PC: variants seen among roughly 807,000 people sequenced by gnomAD.
PC encodes the protein pyruvate carboxylase, mitochondrial.
Under a neutral mutation model 107.8 loss-of-function variants are expected in PC, and 46 were observed. That is an observed-to-expected ratio of 0.43 (90% CI 0.34 to 0.55). The LOEUF (loss-of-function observed/expected upper bound fraction) is 0.55. Ranked by LOEUF, PC falls within the 20% of genes least tolerant of loss-of-function variation. PC has a pLI of 0.04. For synonymous variants in PC, 662 were observed against 684.7 expected (o/e 0.97, Z 0.52); for missense variants, 1,241 against 1,643.1 (o/e 0.76, Z 4.23).
At chr11:66,912,712 G>T (rs60620251) in intron 3 of PC, among the ~76,000 whole-genome samples, 2 of 152,164 alleles carry the variant, frequency 1.3e-5, no homozygotes, top group African/African-American at 4.8e-5. Context: ...CCCCACTAGA[G>T]TGGGCCAAGA....
chr11:66,870,554 C>T lies in PC; in HGVS notation c.752-101G>A. ...AACCACTGTCGCCAGTCAGTGCCGG[C>T]TGCCAGCGGTACAGAGGCTGCCAGG... On this transcript the variant is annotated intron_variant, in intron 8 of 22. Transcript: ENST00000393960. This position sits in a 1 kb window ranked among gnomAD's most constrained non-coding sequence, Gnocchi z 6.1. 3 of 1,393,296 alleles carry T rather than the reference C, an allele frequency of 2.2e-6. No individual in the cohort carries two copies. Among genetic ancestry groups the T allele is most frequent in the Non-Finnish European group, 3.0e-6 (3 of 1,000,638 alleles). 86.3% of individuals were successfully genotyped at this position (1,393,296 alleles called of 1,614,324 possible).
intron 3 of PC, among the ~76,000 whole-genome samples, chr11:66,933,308 A>G (rs1948909196): frequency 6.6e-6 from 1 of 152,094 alleles, no homozygotes; most frequent in African/African-American, 2.4e-5. Context: ...AACTGGGGAA[A>G]ATCAGCTCAA....
At position 66,851,084 on chromosome 11, in the gene PC, C is replaced by A. The variant is rs1945462458; in HGVS notation, c.2179G>T (p.Ala727Ser). Residue 727 changes from alanine to serine, a missense_variant, in exon 17 of 23, where the codon GCC (alanine) becomes TCC (serine). Coordinates refer to ENST00000393960, the MANE Select transcript of PC (RefSeq NM_001040716.2). ...KYSLQYYMGL[A>S]EELVRAGTHI... ...GTGCCAGCTCGCACCAGCTCTTCGGCCAAGCCCATGTAGTACTGCAGTGAG... is the reference window on the plus strand; with the variant it reads ...GTGCCAGCTCGCACCAGCTCTTCGGACAAGCCCATGTAGTACTGCAGTGAG... 1 of 1,613,232 alleles carries A rather than the reference C, an allele frequency of 6.2e-7. No individual in the cohort carries two copies. The highest frequency in any genetic ancestry group is 8.5e-7 in the Non-Finnish European group (1 of 1,180,024).
In PC at chr11:66,871,192, G is replaced by A; in HGVS notation, c.493C>T (p.Pro165Ser). Reference protein sequence around the residue: ...ARAIAIAAGVPVVPGTDAPIT... With the variant: ...ARAIAIAAGVSVVPGTDAPIT... The stretch of plus-strand genomic sequence containing the variant: ...GGGGCATCTGTGCCAGGGACAACGG[G>A]AACACCTGTTGGGAGAAAGGTGTGG... The change falls in exon 7 of 23, where the codon CCC becomes TCC. Residue 165 changes from proline (P) to serine (S), a missense_variant. Coordinates refer to ENST00000393960, the MANE Select transcript of PC (RefSeq NM_001040716.2). This position sits in a 1 kb window ranked among gnomAD's most constrained non-coding sequence, Gnocchi z 7.4. The A allele has an allele frequency of 1.2e-6, 2 of 1,613,088 alleles. No individual in the cohort carries two copies. Among genetic ancestry groups the A allele is most frequent in the Non-Finnish European group, 1.7e-6 (2 of 1,179,264 alleles).
At chr11:66,861,581 G>A (rs565306792) in intron 12 of PC, among the ~76,000 whole-genome samples, 1 of 152,250 alleles carries the variant, frequency 6.6e-6, no homozygotes, top group East Asian at 1.9e-4. Flanking sequence ...ATGGGAGCAA[G>A]GTCCTCGACA....
In PC at chr11:66,870,708, G is replaced by A. The variant is rs1032356537; in HGVS notation, c.751+67C>T. 8.5e-5 allele frequency: 123 copies of A among 1,454,492 alleles called. No individual in the cohort carries two copies. The highest frequency in any genetic ancestry group is 2.4e-4 in the South Asian group (21 of 88,062). 90.1% of individuals were successfully genotyped at this position (1,454,492 alleles called of 1,614,324 possible). A position where few individuals can be genotyped will look rare whatever the true frequency, so the allele number is the denominator to read the frequency against. ...TGTCCCCAAGGCCAGCCACTGTGAC[G>A]GCACCAGGACTGGGCCTCTCAGCTC... On this transcript the variant is annotated intron_variant, in intron 8 of 22. Transcript: ENST00000393960. This position sits in a 1 kb window ranked among gnomAD's most constrained non-coding sequence, Gnocchi z 6.1.
rs34245785 is a variant in PC, at chr11:66,943,755, C to CAA, written c.-1+8673_-1+8674dup. Reference sequence around the variant, plus strand: ...TGGGCTATAGAGCAAGACTCCGGCTCAAAAAAAAAAAAAAAAAAAAAAAAA... The same window carrying CAA: ...TGGGCTATAGAGCAAGACTCCGGCTCAAAAAAAAAAAAAAAAAAAAAAAAAAA... On this transcript the variant is annotated intron_variant, in intron 3 of 22. Coordinates refer to ENST00000393960, the MANE Select transcript of PC (RefSeq NM_001040716.2). Among the ~76,000 whole-genome samples, 157 of 17,580 alleles carry CAA rather than the reference C, an allele frequency of 8.9e-3. 14 individuals are homozygous for CAA. The highest frequency in any genetic ancestry group is 0.011 in the Non-Finnish European group (115 of 10,532). The allele number at this position is 17,580 out of a possible 152,430, so 11.5% of individuals were successfully genotyped here. A position where few individuals can be genotyped will look rare whatever the true frequency, so the allele number is the denominator to read the frequency against.
intron 3 of PC, among the ~76,000 whole-genome samples, chr11:66,882,828 G>A (rs1164253250): frequency 6.6e-6 from 1 of 152,162 alleles, no homozygotes; most frequent in South Asian, 2.1e-4. Context: ...AGCCAAGAGG[G>A]ACAGATGAAA....
chr11:66,851,111 AC>A lies in PC; in HGVS notation c.2151del (p.Lys717AsnfsTer31). 6.2e-7 allele frequency: 1 copy of A among 1,613,298 alleles called. No individual in the cohort carries two copies. Among genetic ancestry groups the A allele is most frequent in the Non-Finnish European group, 8.5e-7 (1 of 1,180,018 alleles). On this transcript the variant is annotated frameshift_variant, in exon 17 of 23. Transcript: ENST00000393960. LOFTEE classifies it high-confidence loss of function. ...TGDVADPSRT[K>X]YSLQYYMGLA... is the part of the protein sequence containing the mutation. ...AAGCCCATGTAGTACTGCAGTGAGTACTTGGTGCGGCTGGGGTCGGCCACGT... is the reference window on the plus strand; with the variant it reads ...AAGCCCATGTAGTACTGCAGTGAGTATTGGTGCGGCTGGGGTCGGCCACGT...
intron 16 of PC, 131 bp downstream of exon 16, chr11:66,851,659 A>G: frequency 1.0e-6 from 1 of 957,076 alleles, no homozygotes; most frequent in Non-Finnish European, 1.7e-6. Flanking sequence ...TCCAAACAGC[A>G]GCCCCTGCTG....
At chr11:66,908,384 T>C (rs895551776) in intron 3 of PC, among the ~76,000 whole-genome samples, 2 of 152,170 alleles carry the variant, frequency 1.3e-5, no homozygotes, top group Non-Finnish European at 2.9e-5. Flanking sequence ...CCAGGGCACA[T>C]GTTACCTGGT....
At position 66,852,470 on chromosome 11, in the gene PC, G is replaced by A. The variant is rs747315572; in HGVS notation, c.1794C>T (p.Phe598=). The A allele has an allele frequency of 1.2e-6, 2 of 1,614,046 alleles. No individual in the cohort carries two copies. Among genetic ancestry groups the A allele is most frequent in the Non-Finnish European group, 1.7e-6 (2 of 1,180,006 alleles). ...KKIAPYVAHN[F]SKLFSMENWG... is the part of the protein sequence containing the mutation. ...AGTTCTCCATGCTGAAGAGCTTGCT[G>A]AAGTTGTGGGCAACATAGGGGGCGA... The change falls in exon 15 of 23, where the codon TTC becomes TTT. Residue 598 remains phenylalanine (F), a synonymous_variant. Coordinates refer to ENST00000393960, the MANE Select transcript of PC (RefSeq NM_001040716.2). This position sits in a 1 kb window ranked among gnomAD's most constrained non-coding sequence, Gnocchi z 4.7.
At position 66,848,752 on chromosome 11, in the gene PC, C is replaced by T; in HGVS notation, c.*147G>A. ...GATGGCTGAAAGGAATGAACCACCGCAGGCGGTGTCTCTCCTGTCCAGCTG... is the reference window on the plus strand; with the variant it reads ...GATGGCTGAAAGGAATGAACCACCGTAGGCGGTGTCTCTCCTGTCCAGCTG... On this transcript the variant is annotated 3_prime_UTR_variant, in exon 23 of 23. Transcript: ENST00000393960. The T allele has an allele frequency of 1.1e-6, 1 of 922,580 alleles. No homozygotes were observed. The highest frequency in any genetic ancestry group is 1.4e-5 in the South Asian group (1 of 72,862). The allele number at this position is 922,580 out of a possible 1,614,324, so 57.1% of individuals were successfully genotyped here.
Position 66,849,329 on chromosome 11 carries a change from C to T in PC, c.3189G>A (p.Leu1063=), listed in dbSNP as rs757220525. The stretch of plus-strand genomic sequence containing the variant: ...CGGCCCGGTTCAGGTCGCTCACGGC[C>T]AGGGCTTTGATGTGCAGCGTCTTGC... The part of the protein sequence containing the change: ...ERGKTLHIKA[L]AVSDLNRAGQ... Residue 1063 remains leucine (L), a synonymous_variant, in exon 22 of 23, where the codon CTG becomes CTA. Coordinates refer to ENST00000393960, the MANE Select transcript of PC (RefSeq NM_001040716.2). The T allele has an allele frequency of 1.2e-6, 2 of 1,613,532 alleles. No homozygotes were observed. Among genetic ancestry groups the T allele is most frequent in the South Asian group, 1.1e-5 (1 of 91,086 alleles).
intron 3 of PC, among the ~76,000 whole-genome samples, chr11:66,920,062 G>A (rs917477706): frequency 3.3e-5 from 5 of 152,212 alleles, no homozygotes; most frequent in African/African-American, 1.2e-4. Context: ...CTCAGAACAA[G>A]GCTGGCTCAT....
At position 66,870,893 on chromosome 11, in the gene PC, C is replaced by A; in HGVS notation, c.634-1G>T. On this transcript the variant is annotated splice_acceptor_variant, in intron 7 of 22. Coordinates refer to ENST00000393960, the MANE Select transcript of PC (RefSeq NM_001040716.2). LOFTEE classifies it high-confidence loss of function. The surrounding 1 kb of genome is among the most constrained non-coding windows in gnomAD (Gnocchi z 6.1). ...CCCGGGTGTAATTCTCCTCCAGCTC[C>A]TGCGAGGGCGGGCAGGGGCCAGCCA... The A allele has an allele frequency of 6.2e-7, 1 of 1,612,268 alleles. No individual in the cohort carries two copies. Among genetic ancestry groups the A allele is most frequent in the Non-Finnish European group, 8.5e-7 (1 of 1,179,740 alleles).
chr11:66,897,826 T>A (rs1323040466), intron 3 of PC, among the ~76,000 whole-genome samples: 1 of 152,166 alleles, frequency 6.6e-6, no homozygotes. Flanking sequence ...TTGGTAGAGA[T>A]AACTTGCTCC....
At position 66,852,300 on chromosome 11, in the gene PC, G is replaced by T. The variant is rs1180770790; in HGVS notation, c.1825+139C>A. On this transcript the variant is annotated intron_variant, in intron 15 of 22. Coordinates refer to ENST00000393960, the MANE Select transcript of PC (RefSeq NM_001040716.2). This position sits in a 1 kb window ranked among gnomAD's most constrained non-coding sequence, Gnocchi z 4.7. The stretch of plus-strand genomic sequence containing the variant: ...GGCACCAGGCCTGGCCGGAGAGGGC[G>T]CTGTGCCTTCTTCGGTCCTTCCTCT... 3 of 792,744 alleles carry T rather than the reference G, an allele frequency of 3.8e-6. No homozygotes were observed. Among genetic ancestry groups the T allele is most frequent in the Non-Finnish European group, 6.4e-6 (3 of 471,780 alleles). 49.1% of individuals were successfully genotyped at this position (792,744 alleles called of 1,614,324 possible).
intron 3 of PC, among the ~76,000 whole-genome samples, chr11:66,940,933 A>G (rs1216691934): frequency 6.6e-6 from 1 of 151,638 alleles, no homozygotes; most frequent in East Asian, 1.9e-4. Flanking sequence ...AAAATTAGCC[A>G]GGCATGGTGG....
Sources: gnomAD v4.1 joint callset for allele counts (sites outside exome capture counted in the v4.1 genomes callset) on GRCh38, gnomAD v4.1.1 for gene constraint, Gnocchi (gnomAD v3.1) non-coding constraint, MANE v1.5 for transcripts, NCBI Gene and HGNC (gene_info 2026-07-23, HGNC 2026-07-21) for gene names.